The following SLC6A20 variants were observed in gnomAD, a reference collection of about 807,000 sequenced individuals.
SLC6A20 encodes sodium- and chloride-dependent transporter XTRP3.
SLC6A20 carries 73 observed loss-of-function variants against 64.3 expected under a neutral mutation model. The observed-to-expected ratio is 1.14, with a 90% CI of 0.94 to 1.38. The LOEUF is 1.38. Among genes scored for constraint, SLC6A20 ranks in the 40% most tolerant of loss-of-function variants. SLC6A20 has a pLI of 0.00. For synonymous variants in SLC6A20, 347 were observed against 329.6 expected, an observed-to-expected ratio of 1.05 and a Z score of -0.57; for missense variants, 725 against 772.8, an observed-to-expected ratio of 0.94 and a Z score of 0.73.
chr3:45,785,939 G>A (rs1700162903), intron 1 of SLC6A20, among the ~76,000 whole-genome samples: 1 of 152,076 alleles, frequency 6.6e-6, no homozygotes, highest in African/African-American at 2.4e-5. Flanking sequence ...TACCAGACCA[G>A]GCTCCAGAGG....
intron 1 of SLC6A20, among the ~76,000 whole-genome samples, chr3:45,791,090 C>T (rs1053027702): frequency 6.6e-6 from 1 of 152,210 alleles, no homozygotes; most frequent in African/African-American, 2.4e-5. Context: ...GTTATTTCAG[C>T]GAAGCCTCTG....
intron 5 of SLC6A20, 102 bp from the exon 6 acceptor site, chr3:45,771,560 A>G (rs1699868506): frequency 6.5e-7 from 1 of 1,550,370 alleles, no homozygotes; most frequent in Non-Finnish European, 8.7e-7. Flanking sequence ...GAGCTCACCT[A>G]CAGCACGCAG....
rs957199172 is a variant in SLC6A20, at chr3:45,757,155, T to G, written c.*1823A>C. Reference sequence around the variant, plus strand: ...CACCTCCAGCCACAGGGCGGTTTTCTCCTATCTCAGAATAGAACGAATGGG... The same window carrying G: ...CACCTCCAGCCACAGGGCGGTTTTCGCCTATCTCAGAATAGAACGAATGGG... On this transcript the variant is annotated 3_prime_UTR_variant, in exon 11 of 11. Coordinates refer to ENST00000358525, the MANE Select transcript of SLC6A20 (RefSeq NM_020208.4). The G allele has an allele frequency of 6.7e-6, 1 of 149,322 alleles. No homozygotes were observed. The highest frequency in any genetic ancestry group is 2.5e-5 in the African/African-American group (1 of 40,238). The allele number at this position is 149,322 out of a possible 1,614,324, so 9.2% of individuals were successfully genotyped here.
intron 1 of SLC6A20, among the ~76,000 whole-genome samples, chr3:45,786,316 C>T (rs141482227): frequency 3.3e-5 from 5 of 152,358 alleles, no homozygotes; most frequent in African/African-American, 1.2e-4. Context: ...GACTCTAGCT[C>T]ACAAGCCCAC....
chr3:45,771,110 G>A, intron 6 of SLC6A20, 107 bp downstream of exon 6: 1 of 1,499,314 alleles, frequency 6.7e-7, no homozygotes, highest in Non-Finnish European at 9.0e-7. Flanking sequence ...GTGAGCCCTG[G>A]ATTGAGGACT....
At chr3:45,792,891 C>A (rs1250098612) in intron 1 of SLC6A20, among the ~76,000 whole-genome samples, 1 of 152,126 alleles carries the variant, frequency 6.6e-6, no homozygotes, top group African/African-American at 2.4e-5. Flanking sequence ...CCTGGGGCCA[C>A]AGAAGCAACC....
At chr3:45,795,331 AT>A (rs11287280) in intron 1 of SLC6A20, among the ~76,000 whole-genome samples, 120,952 of 151,646 alleles carry the variant, frequency 0.8, 48,563 homozygotes, top group Middle Eastern at 0.89. Flanking sequence ...AGAAAATACA[AT>A]TTTTTTTTTG....
At position 45,762,770 on chromosome 3, in the gene SLC6A20, G is replaced by T. The variant is rs548432441; in HGVS notation, c.1463+143C>A. ...AGGCAGAGCATAAGCTGAGATCTGCGGGCAAAGAACAAACGTTGAGTCATG... is the reference window on the plus strand; with the variant it reads ...AGGCAGAGCATAAGCTGAGATCTGCTGGCAAAGAACAAACGTTGAGTCATG... On this transcript the variant is annotated intron_variant, in intron 9 of 10. Transcript: ENST00000358525. 178 of 1,068,686 alleles carry T rather than the reference G, an allele frequency of 1.7e-4. No homozygotes were observed. In the African/African-American group the frequency reaches 1.8e-3, roughly 11 times the overall value. 66.2% of individuals were successfully genotyped at this position (1,068,686 alleles called of 1,614,324 possible). A position where few individuals can be genotyped will look rare whatever the true frequency, so the allele number is the denominator to read the frequency against.
At chr3:45,795,994 A>G (rs1318394980) in intron 1 of SLC6A20, among the ~76,000 whole-genome samples, 1 of 151,858 alleles carries the variant, frequency 6.6e-6, no homozygotes, top group Non-Finnish European at 1.5e-5. Context: ...TCTCTCGAAG[A>G]AGGAGACCGC....
chr3:45,775,835 G>C lies in SLC6A20; in HGVS notation c.508C>G (p.Pro170Ala). 6.2e-7 allele frequency: 1 copy of C among 1,614,160 alleles called. No homozygotes were observed. Among genetic ancestry groups the C allele is most frequent in the Non-Finnish European group, 8.5e-7 (1 of 1,180,038 alleles). The change falls in exon 4 of 11, where the codon CCG becomes GCG. Residue 170 changes from proline to alanine, a missense_variant. Physicochemically the swap from Pro to Ala is conservative, Grantham distance 27. Coordinates refer to ENST00000358525, the MANE Select transcript of SLC6A20 (RefSeq NM_020208.4). ...CAGGCCAGGAGGAGGCACAGCGCCG[G>C]CTCCCACTGCACACCCCCGTTCTCC... ...LQENGGVQWE[P>A]ALCLLLAWLV...
chr3:45,781,972 T>C, intron 2 of SLC6A20, 111 bp downstream of exon 2: 1 of 1,389,922 alleles, frequency 7.2e-7, no homozygotes, highest in Admixed American at 3.0e-5. Context: ...GAGCTCTCTC[T>C]TGGGCCTTGT....
chr3:45,796,522 T>C lies in SLC6A20; in HGVS notation c.-103A>G, dbSNP rs372645275. The C allele has an allele frequency of 4.4e-5, 53 of 1,203,310 alleles. No individual in the cohort carries two copies. The South Asian group carries it at 1.0e-3, about 23-fold the overall frequency. The allele number at this position is 1,203,310 out of a possible 1,614,324, so 74.5% of individuals were successfully genotyped here. A position where few individuals can be genotyped will look rare whatever the true frequency, so the allele number is the denominator to read the frequency against. ...GTCCCACCCCGGCTCGGCTTGGGGG[T>C]GGCCCCGCGCCTCCGCCGCCGACGC... On this transcript the variant is annotated 5_prime_UTR_variant, in exon 1 of 11. Transcript: ENST00000358525.
Position 45,756,035 on chromosome 3 carries a change from G to A in SLC6A20, c.*2943C>T, listed in dbSNP as rs971813076. 6.6e-6 allele frequency: 1 copy of A among 152,234 alleles called. No individual in the cohort carries two copies. The highest frequency in any genetic ancestry group is 2.4e-5 in the African/African-American group (1 of 41,444). The allele number at this position is 152,234 out of a possible 1,614,324, so 9.4% of individuals were successfully genotyped here. A position where few individuals can be genotyped will look rare whatever the true frequency, so the allele number is the denominator to read the frequency against. On this transcript the variant is annotated 3_prime_UTR_variant, in exon 11 of 11. Coordinates refer to ENST00000358525, the MANE Select transcript of SLC6A20 (RefSeq NM_020208.4). ...GGCTGCACATCGGATCACCTAGGGAGTTTTTGGGGCCATGGAGGCCCAGGT... is the reference window on the plus strand; with the variant it reads ...GGCTGCACATCGGATCACCTAGGGAATTTTTGGGGCCATGGAGGCCCAGGT...
chr3:45,767,977 T>C (rs1699802531), intron 7 of SLC6A20, among the ~76,000 whole-genome samples: 1 of 152,206 alleles, frequency 6.6e-6, no homozygotes, highest in Admixed American at 6.5e-5. Flanking sequence ...AAAACTGTTC[T>C]AAATGAAAGT....
At chr3:45,771,085 G>A in intron 6 of SLC6A20, 132 bp downstream of exon 6, 1 of 1,330,528 alleles carries the variant, frequency 7.5e-7, no homozygotes, top group East Asian at 2.5e-5. Flanking sequence ...TGGTGGTGGT[G>A]TAGGGAGTCC....
chr3:45,755,896 A>G lies in SLC6A20; in HGVS notation c.*3082T>C, dbSNP rs1012832950. ...TATTCCGTAGAAGTAACTCTTCCAT[A>G]TAATTGGAAATGCTCAAAAATGCCT... On this transcript the variant is annotated 3_prime_UTR_variant, in exon 11 of 11. Transcript: ENST00000358525. 8 of 152,470 alleles carry G rather than the reference A, an allele frequency of 5.2e-5. No homozygotes were observed. The highest frequency in any genetic ancestry group is 8.8e-5 in the Non-Finnish European group (6 of 68,036). 9.4% of individuals were successfully genotyped at this position (152,470 alleles called of 1,614,324 possible).
chr3:45,788,504 C>G (rs1006467198), intron 1 of SLC6A20, among the ~76,000 whole-genome samples: 1 of 152,200 alleles, frequency 6.6e-6, no homozygotes, highest in Non-Finnish European at 1.5e-5. Flanking sequence ...ATTGAAAGCA[C>G]TCACTAGTCC....
At chr3:45,795,329 C>G (rs929921078) in intron 1 of SLC6A20, among the ~76,000 whole-genome samples, 1 of 54,572 alleles carries the variant, frequency 1.8e-5, no homozygotes, top group African/African-American at 1.1e-4. Flanking sequence ...CGAGAAAATA[C>G]AATTTTTTTT....
intron 3 of SLC6A20, among the ~76,000 whole-genome samples, chr3:45,777,505 C>G (rs1699990470): frequency 6.6e-6 from 1 of 152,210 alleles, no homozygotes; most frequent in Admixed American, 6.5e-5. Flanking sequence ...TGCAAGCTGA[C>G]CAACTGAATA....
Sources: allele counts gnomAD v4.1 joint callset (sites outside exome capture counted in the v4.1 genomes callset), GRCh38; gene constraint gnomAD v4.1.1; transcripts MANE v1.5; gene names NCBI Gene and HGNC (gene_info 2026-07-23, HGNC 2026-07-21).